KCNJ3: variants seen among roughly 807,000 people sequenced by gnomAD.
The protein encoded by KCNJ3 is potassium inwardly rectifying channel subfamily J member 3, also known as G protein-activated inward rectifier potassium channel 1.
A neutral mutation model predicts 39.2 loss-of-function variants in KCNJ3; 4 were observed. The observed-to-expected ratio is 0.10, with a 90% CI of 0.05 to 0.23. The LOEUF (loss-of-function observed/expected upper bound fraction) is 0.23. Among genes scored for constraint, KCNJ3 ranks in the 10% least tolerant of loss-of-function variants. The probability of loss-of-function intolerance (pLI) is 1.00; values close to 1 mark genes in which losing one functional copy is unlikely to be tolerated. For synonymous variants in KCNJ3, 230 were observed against 237.4 expected, an observed-to-expected ratio of 0.97 and a Z score of 0.29; for missense variants, 276 against 634.9, an observed-to-expected ratio of 0.43 and a Z score of 6.08.
At chr2:154,825,470 T>C (rs1264105157) in intron 2 of KCNJ3, among the ~76,000 whole-genome samples, 1 of 152,238 alleles carries the variant, frequency 6.6e-6, no homozygotes, top group East Asian at 1.9e-4. Context: ...AGGAGAAATA[T>C]TGTGTAGCAA....
intron 2 of KCNJ3, among the ~76,000 whole-genome samples, chr2:154,805,319 G>A (rs185568158): frequency 1.7e-4 from 26 of 152,260 alleles, no homozygotes; most frequent in Non-Finnish European, 3.4e-4. Context: ...AATTGTGTAA[G>A]TGCCTTGATA....
intron 2 of KCNJ3, among the ~76,000 whole-genome samples, chr2:154,788,457 G>A (rs1415704196): frequency 6.6e-6 from 1 of 152,006 alleles, no homozygotes; most frequent in African/African-American, 2.4e-5. Flanking sequence ...AAAAATGGTG[G>A]TCTTTTTGAA....
intron 2 of KCNJ3, among the ~76,000 whole-genome samples, chr2:154,804,576 AG>A (rs1280805692): frequency 1.3e-5 from 2 of 152,158 alleles, no homozygotes; most frequent in African/African-American, 4.8e-5. Flanking sequence ...ATTTCTCATC[AG>A]GTAATAAGAG....
intron 2 of KCNJ3, among the ~76,000 whole-genome samples, chr2:154,741,112 C>T (rs1358698476): frequency 1.3e-5 from 2 of 151,916 alleles, no homozygotes; most frequent in Non-Finnish European, 2.9e-5. Flanking sequence ...AGATGCTTGT[C>T]TTTAAGTGTT....
At chr2:154,781,235 GT>G (rs1331457910) in intron 2 of KCNJ3, among the ~76,000 whole-genome samples, 1 of 152,090 alleles carries the variant, frequency 6.6e-6, no homozygotes, top group African/African-American at 2.4e-5. Flanking sequence ...CATGTTTCAG[GT>G]TTTTAATTTA....
intron 2 of KCNJ3, among the ~76,000 whole-genome samples, chr2:154,795,309 C>T (rs952092842): frequency 6.6e-6 from 1 of 151,898 alleles, no homozygotes; most frequent in African/African-American, 2.4e-5. Flanking sequence ...GAAAGAATGA[C>T]TCTTTACTAG....
At chr2:154,820,529 C>A (rs1687154985) in intron 2 of KCNJ3, among the ~76,000 whole-genome samples, 1 of 152,038 alleles carries the variant, frequency 6.6e-6, no homozygotes, top group Admixed American at 6.6e-5. Context: ...CGCTTGAGGC[C>A]AGGTTGTTCA....
chr2:154,801,808 G>C (rs570806959), intron 2 of KCNJ3, among the ~76,000 whole-genome samples: 1 of 151,956 alleles, frequency 6.6e-6, no homozygotes, highest in Non-Finnish European at 1.5e-5. Context: ...TGTATTTTTA[G>C]TAGAGACAGG....
At chr2:154,847,859 G>T (rs1040070146) in intron 2 of KCNJ3, among the ~76,000 whole-genome samples, 2 of 152,130 alleles carry the variant, frequency 1.3e-5, no homozygotes, top group African/African-American at 4.8e-5. Flanking sequence ...TTTGATGTTA[G>T]GTGCATCTGG....
chr2:154,820,290 A>G (rs1230089714), intron 2 of KCNJ3, among the ~76,000 whole-genome samples: 1 of 152,192 alleles, frequency 6.6e-6, no homozygotes, highest in Non-Finnish European at 1.5e-5. Context: ...TAGAATTTCT[A>G]CATTCTGAAT....
chr2:154,786,561 T>C (rs1399050045), intron 2 of KCNJ3, among the ~76,000 whole-genome samples: 2 of 152,204 alleles, frequency 1.3e-5, no homozygotes, highest in African/African-American at 4.8e-5. Context: ...GTCAAATTGC[T>C]TCTGAGTACT....
intron 2 of KCNJ3, among the ~76,000 whole-genome samples, chr2:154,760,938 C>T (rs957061278): frequency 5.3e-5 from 8 of 151,260 alleles, no homozygotes; most frequent in African/African-American, 4.8e-5. Context: ...GGGGTTTCAG[C>T]GTGTTAGCCA....
At chr2:154,790,976 A>T (rs924477451) in intron 2 of KCNJ3, among the ~76,000 whole-genome samples, 2 of 152,036 alleles carry the variant, frequency 1.3e-5, no homozygotes, top group East Asian at 1.9e-4. Context: ...GTAAAGTAAG[A>T]CTTTCTTCTT....
At position 154,825,226 on chromosome 2, in the gene KCNJ3, C is replaced by T. The variant is rs193166853; in HGVS notation, c.920-29501C>T. On this transcript the variant is annotated intron_variant, in intron 2 of 2. Transcript: ENST00000295101. ...TTTTTCCTACCTTTGGAAGCCTTCTCACTCTTCTTGACCTCATGCTCAGGG... is the reference window on the plus strand; with the variant it reads ...TTTTTCCTACCTTTGGAAGCCTTCTTACTCTTCTTGACCTCATGCTCAGGG... Among the ~76,000 whole-genome samples, 16 of 152,264 alleles carry T rather than the reference C, an allele frequency of 1.1e-4. No homozygotes were observed. In the East Asian group the frequency reaches 2.9e-3, roughly 28 times the overall value.
At chr2:154,851,539 G>C (rs562791796) in intron 2 of KCNJ3, among the ~76,000 whole-genome samples, 12 of 152,320 alleles carry the variant, frequency 7.9e-5, no homozygotes, top group African/African-American at 2.9e-4. Flanking sequence ...GGAGAAAACA[G>C]GGTGAGAGAG....
rs1390092490 is a variant in KCNJ3 at position 154,855,937 on chromosome 2, T to TA, written c.*628dup. The TA allele has an allele frequency of 6.6e-6, 1 of 152,594 alleles. No individual in the cohort carries two copies. The highest frequency in any genetic ancestry group is 2.4e-5 in the African/African-American group (1 of 41,464). 9.5% of individuals were successfully genotyped at this position (152,594 alleles called of 1,614,324 possible). A position where few individuals can be genotyped will look rare whatever the true frequency, so the allele number is the denominator to read the frequency against. Reference sequence around the variant, plus strand: ...TTTTAGCCTTAAATTTTTGTCATTTTAAAATCTGATTTAATGTTTTCTGCT... The same window carrying TA: ...TTTTAGCCTTAAATTTTTGTCATTTTAAAAATCTGATTTAATGTTTTCTGCT... On this transcript the variant is annotated 3_prime_UTR_variant, in exon 3 of 3. Transcript: ENST00000295101.
intron 2 of KCNJ3, among the ~76,000 whole-genome samples, chr2:154,732,673 C>T (rs1685466441): frequency 1.3e-5 from 2 of 152,130 alleles, no homozygotes; most frequent in Non-Finnish European, 2.9e-5. Context: ...TGTTTACTCA[C>T]ACCATCTCCA....
Position 154,709,829 on chromosome 2 carries a change from AAC to A in KCNJ3, c.919+12_919+13del. 2 of 1,613,320 alleles carry A rather than the reference AAC, an allele frequency of 1.2e-6. No homozygotes were observed. The highest frequency in any genetic ancestry group is 1.7e-6 in the Non-Finnish European group (2 of 1,179,554). On this transcript the variant is annotated intron_variant, in intron 2 of 2. Transcript: ENST00000295101. ...ATTGTGGAAACAACTGGTGAGTAAA[AAC>A]AGATATGCCATAAAGTTTCTTTATA... is the stretch of plus-strand genomic sequence containing the variant.
chr2:154,778,071 A>G (rs888847925), intron 2 of KCNJ3, among the ~76,000 whole-genome samples: 1 of 152,098 alleles, frequency 6.6e-6, no homozygotes, highest in Admixed American at 6.5e-5. Context: ...AATCATAAAG[A>G]AAAGATACTA....
Sources: gnomAD v4.1 joint callset for allele counts (sites outside exome capture counted in the v4.1 genomes callset) on GRCh38, gnomAD v4.1.1 for gene constraint, MANE v1.5 for transcripts, NCBI Gene and HGNC (gene_info 2026-07-23, HGNC 2026-07-21) for gene names.